Variants in DGKI observed in about 807,000 individuals in gnomAD.
DGKI encodes DAG kinase iota.
Under a neutral mutation model 147.5 loss-of-function variants are expected in DGKI, and 55 were observed. That is an observed-to-expected ratio of 0.37 (90% CI 0.30 to 0.47). The LOEUF (loss-of-function observed/expected upper bound fraction) is 0.47, where lower values mean the gene tolerates loss of function less well. Ranked by LOEUF, DGKI falls within the 20% of genes least tolerant of loss-of-function variation. The pLI is 1.00. For missense variants in DGKI, 1,007 were observed against 1,323.8 expected (o/e 0.76, Z 3.71); for synonymous variants, 469 against 477.1 (o/e 0.98, Z 0.22).
intron 20 of DGKI, among the ~76,000 whole-genome samples, chr7:137,537,374 G>C (rs1294347338): frequency 6.6e-6 from 1 of 151,992 alleles, no homozygotes; most frequent in Non-Finnish European, 1.5e-5. Flanking sequence ...ATTCTCTCCT[G>C]TTCTTCCAAA....
intron 1 of DGKI, among the ~76,000 whole-genome samples, chr7:137,804,019 G>A (rs767830937): frequency 2.6e-5 from 4 of 152,216 alleles, no homozygotes; most frequent in Non-Finnish European, 5.9e-5. Flanking sequence ...GCTCCTTTGT[G>A]AGAGTAAGTG....
chr7:137,428,609 A>G (rs1302599367), intron 28 of DGKI, among the ~76,000 whole-genome samples: 1 of 152,154 alleles, frequency 6.6e-6, no homozygotes, highest in Non-Finnish European at 1.5e-5. Context: ...AGGAATTCAA[A>G]TTGTCCCTTT....
intron 1 of DGKI, among the ~76,000 whole-genome samples, chr7:137,706,208 A>C (rs1794017738): frequency 6.6e-6 from 1 of 151,932 alleles, no homozygotes; most frequent in Non-Finnish European, 1.5e-5. Context: ...TTTATACCAC[A>C]ATTTATCAAT....
At chr7:137,394,171 T>C (rs971482614) in intron 32 of DGKI, among the ~76,000 whole-genome samples, 2 of 152,140 alleles carry the variant, frequency 1.3e-5, no homozygotes, top group Non-Finnish European at 2.9e-5. Context: ...CAGAATCCTC[T>C]ATGGCAAGCT....
chr7:137,466,236 CA>C (rs1814653998), intron 25 of DGKI, among the ~76,000 whole-genome samples: 1 of 152,206 alleles, frequency 6.6e-6, no homozygotes, highest in Admixed American at 6.5e-5. Flanking sequence ...TCAGGATTTC[CA>C]ATTAACCAGG....
At chr7:137,471,369 G>A (rs1459555161) in intron 23 of DGKI, among the ~76,000 whole-genome samples, 2 of 152,160 alleles carry the variant, frequency 1.3e-5, no homozygotes, top group Non-Finnish European at 2.9e-5. Flanking sequence ...AGAGGGGACA[G>A]GAGAAGAAAA....
At chr7:137,767,484 AGAG>A (rs1413319204) in intron 1 of DGKI, among the ~76,000 whole-genome samples, 2 of 140,794 alleles carry the variant, frequency 1.4e-5, no homozygotes, top group Non-Finnish European at 3.0e-5. Flanking sequence ...AGAGAAGAGA[AGAG>A]AAGAGAAGAG....
chr7:137,535,825 T>G (rs1250430232), intron 20 of DGKI, among the ~76,000 whole-genome samples: 1 of 152,108 alleles, frequency 6.6e-6, no homozygotes, highest in Non-Finnish European at 1.5e-5. Flanking sequence ...GTTACTAATA[T>G]AAGAACACAG....
At chr7:137,683,564 C>T (rs1052840784) in intron 2 of DGKI, among the ~76,000 whole-genome samples, 2 of 152,078 alleles carry the variant, frequency 1.3e-5, no homozygotes, top group Non-Finnish European at 2.9e-5. Flanking sequence ...TTGAAACATA[C>T]CTCGCATTTC....
chr7:137,621,019 C>T (rs1467226663), intron 7 of DGKI, among the ~76,000 whole-genome samples: 1 of 151,964 alleles, frequency 6.6e-6, no homozygotes, highest in Admixed American at 6.6e-5. Flanking sequence ...AAATTAGGAC[C>T]GTCTCCAAAA....
intron 19 of DGKI, among the ~76,000 whole-genome samples, chr7:137,560,048 G>C (rs1040960088): frequency 6.6e-6 from 1 of 152,152 alleles, no homozygotes; most frequent in African/African-American, 2.4e-5. Context: ...TAAGTAGAAT[G>C]TAATGCTAAG....
At chr7:137,704,394 G>A (rs1793944367) in intron 1 of DGKI, among the ~76,000 whole-genome samples, 1 of 152,062 alleles carries the variant, frequency 6.6e-6, no homozygotes, top group Non-Finnish European at 1.5e-5. Flanking sequence ...ACAGGTGCTG[G>A]ACAGCAGATT....
At chr7:137,557,231 T>C (rs1016486043) in intron 19 of DGKI, among the ~76,000 whole-genome samples, 3 of 152,170 alleles carry the variant, frequency 2.0e-5, no homozygotes, top group South Asian at 2.1e-4. Flanking sequence ...AATATACTTA[T>C]AAAAATGATT....
chr7:137,532,717 C>T (rs1173638391), intron 20 of DGKI, among the ~76,000 whole-genome samples: 2 of 152,116 alleles, frequency 1.3e-5, no homozygotes, highest in East Asian at 3.9e-4. Flanking sequence ...CCTGACCCTC[C>T]CGCTTTCCCA....
intron 21 of DGKI, among the ~76,000 whole-genome samples, chr7:137,517,346 A>G (rs1457181961): frequency 1.4e-5 from 2 of 147,594 alleles, no homozygotes; most frequent in East Asian, 4.0e-4. Flanking sequence ...AAAGAGAAAG[A>G]AAGAAAGAAG....
At position 137,394,039 on chromosome 7, in the gene DGKI, C is replaced by T. The variant is rs781662378; in HGVS notation, c.3057+1559G>A. Reference sequence around the variant, plus strand: ...CCATTGGCCCCAAACCTGAGCTACTCGGTACCTGCTTAATGAAGGCCTCAA... The same window carrying T: ...CCATTGGCCCCAAACCTGAGCTACTTGGTACCTGCTTAATGAAGGCCTCAA... On this transcript the variant is annotated intron_variant, in intron 32 of 32. Transcript: ENST00000614521. 1.6e-4 allele frequency among the ~76,000 whole-genome samples: 24 copies of T among 152,258 alleles called. No homozygotes were observed. The Middle Eastern group carries it at 0.017, about 108-fold the overall frequency.
Position 137,652,783 on chromosome 7 carries a change from A to G in DGKI, c.738+1949T>C, listed in dbSNP as rs1246287998. On this transcript the variant is annotated intron_variant, in intron 5 of 32. Transcript: ENST00000614521. ...TTGCATTGTCACTAGCAATTATAGC[A>G]TTCATATTCATGTTGTCTTTTTTCA... Among the ~76,000 whole-genome samples, 6 of 152,320 alleles carry G rather than the reference A, an allele frequency of 3.9e-5. No homozygotes were observed. In the East Asian group the frequency reaches 1.2e-3, roughly 29 times the overall value.
intron 30 of DGKI, among the ~76,000 whole-genome samples, chr7:137,398,534 A>G (rs12530512): frequency 0.3 from 45,421 of 152,002 alleles, 7,407 homozygotes; most frequent in Admixed American, 0.36. Flanking sequence ...CGATCCTGGG[A>G]ATTTGCTCTC....
chr7:137,561,401 T>C lies in DGKI; in HGVS notation c.1948-8833A>G, dbSNP rs147555924. On this transcript the variant is annotated intron_variant, in intron 19 of 32. Coordinates refer to ENST00000614521, the MANE Select transcript of DGKI (RefSeq NM_001321708.2). ...CAGAAGTAAAAAGTAGAACAGAGGA[T>C]ACTAGAGGCTAGAAAGGGTGAAGGA... Among the ~76,000 whole-genome samples, 382 of 152,092 alleles carry C rather than the reference T, an allele frequency of 2.5e-3. 4 individuals are homozygous for C. Among genetic ancestry groups the C allele is most frequent in the African/African-American group, 8.8e-3 (365 of 41,512 alleles).
Sources: gnomAD v4.1 joint callset for allele counts (sites outside exome capture counted in the v4.1 genomes callset) on GRCh38, gnomAD v4.1.1 for gene constraint, MANE v1.5 for transcripts, NCBI Gene and HGNC (gene_info 2026-07-23, HGNC 2026-07-21) for gene names.